The following NPTXR variants were observed in gnomAD, a reference collection of about 807,000 sequenced individuals.
NPTXR encodes the protein neuronal pentraxin receptor.
Under a neutral mutation model 32.2 loss-of-function variants are expected in NPTXR, and 12 were observed. That is an observed-to-expected ratio of 0.37 (90% CI 0.24 to 0.60). NPTXR has a LOEUF of 0.60. NPTXR is among the 20% of genes least tolerant of loss of function. The pLI, the probability that NPTXR is intolerant of heterozygous loss-of-function variation, is 0.66. For missense variants in NPTXR, 612 were observed against 682.9 expected, an observed-to-expected ratio of 0.90 and a Z score of 1.16; for synonymous variants, 323 against 315.8, an observed-to-expected ratio of 1.02 and a Z score of -0.24.
intron 1 of NPTXR, among the ~76,000 whole-genome samples, chr22:38,832,707 G>A (rs958447338): frequency 5.9e-5 from 9 of 152,236 alleles, no homozygotes; most frequent in South Asian, 2.1e-4. Context: ...TACCTGTGAC[G>A]CTGCAGAGCC....
At chr22:38,831,671 G>A (rs891398043) in intron 1 of NPTXR, among the ~76,000 whole-genome samples, 6 of 151,930 alleles carry the variant, frequency 3.9e-5, no homozygotes, top group African/African-American at 1.5e-4. Context: ...CTCAAGGGGC[G>A]CATTTCATCT....
intron 2 of NPTXR, 104 bp from the exon 3 acceptor site, chr22:38,826,851 G>T: frequency 1.5e-6 from 2 of 1,353,076 alleles, no homozygotes; most frequent in South Asian, 1.4e-5. Flanking sequence ...CCAGGCACCT[G>T]CTGCATGCCC....
In NPTXR at chr22:38,826,828, T is replaced by C. The variant is rs937632215; in HGVS notation, c.851-81A>G. The stretch of plus-strand genomic sequence containing the variant: ...GTGGACAGGGCACACTTCAGAAAGA[T>C]GGCTAACAGCTCCCAGGCACCTGCT... On this transcript the variant is annotated intron_variant, in intron 2 of 4. Coordinates refer to ENST00000333039, the MANE Select transcript of NPTXR (RefSeq NM_014293.4). 21 of 1,510,674 alleles carry C rather than the reference T, an allele frequency of 1.4e-5. No individual in the cohort carries two copies. The African/African-American group carries it at 2.9e-4, about 21-fold the overall frequency. The allele number at this position is 1,510,674 out of a possible 1,614,324, so 93.6% of individuals were successfully genotyped here.
Position 38,843,505 on chromosome 22 carries a change from G to T in NPTXR, c.354C>A (p.Gly118=). The change falls in exon 1 of 5, where the codon GGC becomes GGA. Residue 118 remains glycine, a synonymous_variant. Coordinates refer to ENST00000333039, the MANE Select transcript of NPTXR (RefSeq NM_014293.4). The surrounding 1 kb of genome is among the most constrained non-coding windows in gnomAD (Gnocchi z 5.3). ...GCAGCAGCAGCAGCTCTTCGCGCTC[G>T]CCCGGCGCAGCGCCCGCCGCGTCCC... 7.8e-7 allele frequency: 1 copy of T among 1,281,654 alleles called. No individual in the cohort carries two copies. 79.4% of individuals were successfully genotyped at this position (1,281,654 alleles called of 1,614,324 possible). A position where few individuals can be genotyped will look rare whatever the true frequency, so the allele number is the denominator to read the frequency against.
At chr22:38,841,476 A>G (rs1202895077) in intron 1 of NPTXR, among the ~76,000 whole-genome samples, 4 of 152,262 alleles carry the variant, frequency 2.6e-5, no homozygotes, top group Non-Finnish European at 5.9e-5. Context: ...TGCCAGCCCC[A>G]GACGTGGGAG....
chr22:38,826,468 C>T (rs1239073656), intron 3 of NPTXR, 32 bp downstream of exon 3: 2 of 1,576,252 alleles, frequency 1.3e-6, no homozygotes, highest in African/African-American at 2.7e-5. Flanking sequence ...GTGGCCCTCC[C>T]CCAGCCAGCC....
chr22:38,843,450 C>A lies in NPTXR; in HGVS notation c.409G>T (p.Ala137Ser), dbSNP rs1364200503. ...CGGATGCGCGCCTCCTGCTGCAGCG[C>A]CGTCTGGCGCAGCTGCTCGGCCGTG... is the stretch of plus-strand genomic sequence containing the variant. Residue 137 changes from alanine to serine, a missense_variant, in exon 1 of 5, where the codon GCG becomes TCG. Coordinates refer to ENST00000333039, the MANE Select transcript of NPTXR (RefSeq NM_014293.4). This position sits in a 1 kb window ranked among gnomAD's most constrained non-coding sequence, Gnocchi z 5.3. 1.5e-6 allele frequency: 2 copies of A among 1,366,438 alleles called. No homozygotes were observed. Among genetic ancestry groups the A allele is most frequent in the Non-Finnish European group, 1.9e-6 (2 of 1,065,732 alleles). 84.6% of individuals were successfully genotyped at this position (1,366,438 alleles called of 1,614,324 possible).
chr22:38,824,805 G>C (rs1454408359), intron 3 of NPTXR, among the ~76,000 whole-genome samples: 1 of 152,186 alleles, frequency 6.6e-6, no homozygotes, highest in African/African-American at 2.4e-5. Context: ...ATGTAGTCCA[G>C]CCACCCCGGT....
Position 38,822,531 on chromosome 22 carries a change from C to A in NPTXR, c.*78G>T. The A allele has an allele frequency of 7.8e-7, 1 of 1,289,150 alleles. No individual in the cohort carries two copies. Among genetic ancestry groups the A allele is most frequent in the Admixed American group, 2.0e-5 (1 of 49,766 alleles). The allele number at this position is 1,289,150 out of a possible 1,614,324, so 79.9% of individuals were successfully genotyped here. A position where few individuals can be genotyped will look rare whatever the true frequency, so the allele number is the denominator to read the frequency against. On this transcript the variant is annotated 3_prime_UTR_variant, in exon 5 of 5. Transcript: ENST00000333039. Reference sequence around the variant, plus strand: ...GCAGGAGGGAAGGCCAGTGCGTGGGCAGGCTGAGGAGGGAATATGACCCCC... The same window carrying A: ...GCAGGAGGGAAGGCCAGTGCGTGGGAAGGCTGAGGAGGGAATATGACCCCC...
chr22:38,837,104 G>C (rs143596201), intron 1 of NPTXR, among the ~76,000 whole-genome samples: 1 of 152,196 alleles, frequency 6.6e-6, no homozygotes, highest in African/African-American at 2.4e-5. Context: ...GTGAGCCACC[G>C]CGCCCAGCCC....
Position 38,834,646 on chromosome 22 carries a change from C to T in NPTXR, c.625-6134G>A, listed in dbSNP as rs141026342. On this transcript the variant is annotated intron_variant, in intron 1 of 4. Coordinates refer to ENST00000333039, the MANE Select transcript of NPTXR (RefSeq NM_014293.4). The surrounding 1 kb of genome is among the most constrained non-coding windows in gnomAD (Gnocchi z 4.4). ...CATCCATCCATCCATCCATGTGTGC[C>T]GCAGCAACATGGCGTCGTAGTTGCA... Among the ~76,000 whole-genome samples the T allele has an allele frequency of 2.9e-3, 408 of 141,458 alleles. 3 individuals are homozygous for T. The highest frequency in any genetic ancestry group is 2.4e-3 in the African/African-American group (94 of 38,602). The allele number at this position is 141,458 out of a possible 152,430, so 92.8% of individuals were successfully genotyped here. A position where few individuals can be genotyped will look rare whatever the true frequency, so the allele number is the denominator to read the frequency against.
intron 1 of NPTXR, among the ~76,000 whole-genome samples, chr22:38,831,076 T>G (rs2093115448): frequency 6.6e-6 from 1 of 152,216 alleles, no homozygotes; most frequent in African/African-American, 2.4e-5. Context: ...AAACCCTGAC[T>G]CTGGTGCAGA....
chr22:38,841,243 GT>G (rs888342406), intron 1 of NPTXR, among the ~76,000 whole-genome samples: 2 of 152,240 alleles, frequency 1.3e-5, no homozygotes, highest in African/African-American at 2.4e-5. Flanking sequence ...AGCAGACCTG[GT>G]GGCCAAGCAG....
Position 38,822,065 on chromosome 22 carries a change from G to T in NPTXR, c.*544C>A, listed in dbSNP as rs1055086711. 81 of 140,252 alleles carry T rather than the reference G, an allele frequency of 5.8e-4. 1 individual carries two copies. Among genetic ancestry groups the T allele is most frequent in the Middle Eastern group, 3.5e-3 (1 of 284 alleles). The allele number at this position is 140,252 out of a possible 1,614,324, so 8.7% of individuals were successfully genotyped here. Reference sequence around the variant, plus strand: ...GAGGAAGAGGGAGGCATGGGTGGGGGGGGGGGGAGGCTCCATCGAGATCCC... The same window carrying T: ...GAGGAAGAGGGAGGCATGGGTGGGGTGGGGGGGAGGCTCCATCGAGATCCC... On this transcript the variant is annotated 3_prime_UTR_variant, in exon 5 of 5. Coordinates refer to ENST00000333039, the MANE Select transcript of NPTXR (RefSeq NM_014293.4).
chr22:38,841,240 C>T (rs1043932857), intron 1 of NPTXR, among the ~76,000 whole-genome samples: 2 of 152,250 alleles, frequency 1.3e-5, no homozygotes, highest in Admixed American at 6.5e-5. Context: ...GAAAGCAGAC[C>T]TGGTGGCCAA....
At chr22:38,833,314 C>T (rs1050127089) in intron 1 of NPTXR, among the ~76,000 whole-genome samples, 1 of 152,144 alleles carries the variant, frequency 6.6e-6, no homozygotes, top group Admixed American at 6.5e-5. Flanking sequence ...TCCTGCCACC[C>T]CACCTCCCTC....
rs374494790 is a variant in NPTXR, at chr22:38,822,792, G to A, written c.1320C>T (p.Val440=). The A allele has an allele frequency of 6.8e-6, 11 of 1,613,958 alleles. No homozygotes were observed. Among genetic ancestry groups the A allele is most frequent in the African/African-American group, 4.0e-5 (3 of 74,924 alleles). Residue 440 remains valine, a synonymous_variant, in exon 5 of 5, where the codon GTC becomes GTT. Transcript: ENST00000333039. Reference sequence around the variant, plus strand: ...ACAGGTTAAACTGGGCAATGTCACCGACAAAGGCCTGGGTGGCATCAAACC... The same window carrying A: ...ACAGGTTAAACTGGGCAATGTCACCAACAAAGGCCTGGGTGGCATCAAACC...
chr22:38,824,692 C>T (rs192164176), intron 3 of NPTXR, among the ~76,000 whole-genome samples: 1 of 152,220 alleles, frequency 6.6e-6, no homozygotes, highest in Non-Finnish European at 1.5e-5. Context: ...AATGCCCTGT[C>T]CAGGGTGCTG....
chr22:38,840,919 G>A (rs2093130811), intron 1 of NPTXR, among the ~76,000 whole-genome samples: 1 of 152,198 alleles, frequency 6.6e-6, no homozygotes, highest in African/African-American at 2.4e-5. Context: ...ACCTGCAAGA[G>A]GGGATGATCA....
Sources: allele counts gnomAD v4.1 joint callset (sites outside exome capture counted in the v4.1 genomes callset), GRCh38; gene constraint gnomAD v4.1.1; non-coding constraint Gnocchi (gnomAD v3.1); transcripts MANE v1.5; gene names NCBI Gene and HGNC (gene_info 2026-07-23, HGNC 2026-07-21).